The following SRR variants were observed in gnomAD, a reference collection of about 807,000 sequenced individuals.
SRR encodes D-serine ammonia-lyase.
SRR carries 19 observed loss-of-function variants against 32.7 expected under a neutral mutation model. The ratio of observed to expected loss-of-function variants is 0.58; its 90% CI spans 0.40 to 0.85. The LOEUF is 0.85. SRR is among the 40% of genes least tolerant of loss of function. SRR has a pLI of 0.00. For synonymous variants in SRR, 142 were observed against 140.9 expected, an observed-to-expected ratio of 1.01 and a Z score of -0.06; for missense variants, 373 against 404.7, an observed-to-expected ratio of 0.92 and a Z score of 0.67.
chr17:2,324,143 C>A lies in SRR; in HGVS notation c.*270C>A. The stretch of plus-strand genomic sequence containing the variant: ...CTTTGCCCAATCACAACTTGTGCCT[C>A]CCATCCCTGGAGTACTGACTGGCAC... On this transcript the variant is annotated 3_prime_UTR_variant, in exon 8 of 8. Coordinates refer to ENST00000344595, the MANE Select transcript of SRR (RefSeq NM_021947.3). 6.6e-7 allele frequency: 1 copy of A among 1,507,948 alleles called. No individual in the cohort carries two copies. The highest frequency in any genetic ancestry group is 8.8e-7 in the Non-Finnish European group (1 of 1,131,918). 93.4% of individuals were successfully genotyped at this position (1,507,948 alleles called of 1,614,324 possible).
chr17:2,307,970 T>C (rs1457061832), intron 1 of SRR, among the ~76,000 whole-genome samples: 4 of 151,050 alleles, frequency 2.6e-5, no homozygotes, highest in Non-Finnish European at 5.9e-5. Context: ...AGGGTTTTAA[T>C]GTATTTTTTT....
upstream of SRR, chr17:2,303,695 C>A: frequency 6.7e-7 from 1 of 1,496,892 alleles, no homozygotes; most frequent in Non-Finnish European, 8.9e-7. Flanking sequence ...CGCGGAGATC[C>A]GCACACGCTC....
intron 1 of SRR, among the ~76,000 whole-genome samples, chr17:2,312,837 T>G (rs553969017): frequency 6.6e-6 from 1 of 152,266 alleles, no homozygotes; most frequent in South Asian, 2.1e-4. Flanking sequence ...ACAAAAATCT[T>G]GCAACAAGGC....
Position 2,317,206 on chromosome 17 carries a change from GGAAAAAAA to G in SRR, c.169-663_169-656del, listed in dbSNP as rs1490236718. On this transcript the variant is annotated intron_variant, in intron 2 of 7. Coordinates refer to ENST00000344595, the MANE Select transcript of SRR (RefSeq NM_021947.3). ...TGATAGAGGAAGACTCCATCTCGGG[GGAAAAAAA>G]AAAAAAAAAAAAAAAGGCCGGGTGC... Among the ~76,000 whole-genome samples the G allele has an allele frequency of 4.9e-4, 55 of 111,850 alleles. 1 individual carries two copies. Among genetic ancestry groups the G allele is most frequent in the Admixed American group, 8.6e-4 (8 of 9,328 alleles). 73.4% of individuals were successfully genotyped at this position (111,850 alleles called of 152,430 possible).
intron 1 of SRR, among the ~76,000 whole-genome samples, chr17:2,304,654 C>G (rs1288899966): frequency 6.6e-6 from 1 of 151,804 alleles, no homozygotes; most frequent in East Asian, 2.0e-4. Context: ...ACTCGGAACG[C>G]TGAGACGGGC....
chr17:2,303,849 T>G, upstream of SRR: 12 of 589,110 alleles, frequency 2.0e-5, no homozygotes, highest in East Asian at 6.6e-5. Flanking sequence ...GCCCTCCCTT[T>G]CCGAACGACG....
chr17:2,309,672 T>A (rs2075419942), intron 1 of SRR: 1 of 152,662 alleles, frequency 6.6e-6, no homozygotes, highest in Non-Finnish European at 1.5e-5. Flanking sequence ...TTTATGTATG[T>A]ATGTGTTTTA....
chr17:2,314,037 A>T (rs2151431946), intron 1 of SRR, among the ~76,000 whole-genome samples: 1 of 152,380 alleles, frequency 6.6e-6, no homozygotes, highest in East Asian at 1.9e-4. Flanking sequence ...GCTACAATAG[A>T]CACAGTGGAA....
intron 1 of SRR, among the ~76,000 whole-genome samples, chr17:2,305,048 C>T (rs572771077): frequency 6.6e-6 from 1 of 152,144 alleles, no homozygotes; most frequent in Non-Finnish European, 1.5e-5. Flanking sequence ...AAGGGATTGC[C>T]ACAACCTCTG....
In SRR at chr17:2,323,827, T is replaced by A. The variant is rs1210575273; in HGVS notation, c.977T>A (p.Val326Glu). The change falls in exon 8 of 8, where the codon GTG becomes GAG. Residue 326 changes from valine (V) to glutamate (E), a missense_variant. Val to Glu is a moderately radical substitution (Grantham distance 121, BLOSUM62 -2). Coordinates refer to ENST00000344595, the MANE Select transcript of SRR (RefSeq NM_021947.3). ...GACTTAACCTCCTCCATAACTTGGG[T>A]GAAGCAGGCTGAAAGGCCAGCTTCT... ...NVDLTSSITW[V>E]KQAERPASYQ... is the part of the protein sequence containing the mutation. 13 of 1,614,100 alleles carry A rather than the reference T, an allele frequency of 8.1e-6. No individual in the cohort carries two copies. Among genetic ancestry groups the A allele is most frequent in the African/African-American group, 2.7e-5 (2 of 74,940 alleles).
intron 1 of SRR, chr17:2,307,084 G>A (rs2075396874): frequency 5.3e-6 from 6 of 1,131,374 alleles, no homozygotes; most frequent in Non-Finnish European, 7.9e-6. Context: ...AAAGATATTT[G>A]TTGGTGGCAT....
At position 2,318,949 on chromosome 17, in the gene SRR, G is replaced by T. The variant is rs779822157; in HGVS notation, c.399+20G>T. 6 of 1,536,442 alleles carry T rather than the reference G, an allele frequency of 3.9e-6. No individual in the cohort carries two copies. The highest frequency in any genetic ancestry group is 1.4e-5 in the African/African-American group (1 of 73,240). ...GATGAGGTAAGGAGAGCAGTGCTTGGTACCACCTTAACAGCTTTCATTTGA... is the reference window on the plus strand; with the variant it reads ...GATGAGGTAAGGAGAGCAGTGCTTGTTACCACCTTAACAGCTTTCATTTGA... On this transcript the variant is annotated intron_variant, in intron 4 of 7. Coordinates refer to ENST00000344595, the MANE Select transcript of SRR (RefSeq NM_021947.3).
intron 1 of SRR, among the ~76,000 whole-genome samples, chr17:2,313,757 TTGATAAA>T (rs748162446): frequency 1.2e-4 from 18 of 151,988 alleles, no homozygotes; most frequent in Admixed American, 5.2e-4. Flanking sequence ...AAAAAAAATG[TTGATAAA>T]TGTACTCACC....
chr17:2,321,472 G>A, intron 5 of SRR, 47 bp downstream of exon 5: 1 of 1,612,590 alleles, frequency 6.2e-7, no homozygotes, highest in South Asian at 1.1e-5. Flanking sequence ...AAAGCTGTTG[G>A]GCTATATTCA....
intron 1 of SRR, among the ~76,000 whole-genome samples, chr17:2,308,702 TC>T (rs2075411814): frequency 6.6e-6 from 1 of 152,088 alleles, no homozygotes; most frequent in Non-Finnish European, 1.5e-5. Flanking sequence ...GCTCCTGTAA[TC>T]TCAGCTACTT....
intron 2 of SRR, among the ~76,000 whole-genome samples, chr17:2,316,767 C>T (rs2075476322): frequency 6.6e-6 from 1 of 152,106 alleles, no homozygotes; most frequent in African/African-American, 2.4e-5. Flanking sequence ...GGCTGGAGTG[C>T]AGTGGCACGA....
chr17:2,303,432 T>C, upstream of SRR: 1 of 1,261,848 alleles, frequency 7.9e-7, no homozygotes, highest in Non-Finnish European at 1.0e-6. Flanking sequence ...CTCCCGGAGC[T>C]GGCCAGGACT....
At chr17:2,314,847 A>G (rs1467672172) in intron 1 of SRR, among the ~76,000 whole-genome samples, 1 of 151,810 alleles carries the variant, frequency 6.6e-6, no homozygotes, top group Non-Finnish European at 1.5e-5. Context: ...TTTATCAAAT[A>G]ATTTGTTAAA....
At position 2,324,158 on chromosome 17, in the gene SRR, C is replaced by A. The variant is rs746077123; in HGVS notation, c.*285C>A. The stretch of plus-strand genomic sequence containing the variant: ...ACTTGTGCCTCCCATCCCTGGAGTA[C>A]TGACTGGCACCGGTAAGACAGAATC... On this transcript the variant is annotated 3_prime_UTR_variant, in exon 8 of 8. Transcript: ENST00000344595. 41 of 1,511,694 alleles carry A rather than the reference C, an allele frequency of 2.7e-5. No individual in the cohort carries two copies. The highest frequency in any genetic ancestry group is 4.7e-5 in the Admixed American group (2 of 42,662). 93.6% of individuals were successfully genotyped at this position (1,511,694 alleles called of 1,614,324 possible).
Sources: gnomAD v4.1 joint callset for allele counts (sites outside exome capture counted in the v4.1 genomes callset) on GRCh38, gnomAD v4.1.1 for gene constraint, MANE v1.5 for transcripts, NCBI Gene and HGNC (gene_info 2026-07-23, HGNC 2026-07-21) for gene names.